Variants in TMEM181 observed in about 807,000 individuals in gnomAD.
TMEM181 encodes the protein G protein-coupled receptor 178.
In TMEM181, 39 loss-of-function variants were observed where a neutral mutation model predicts 71.9. The observed-to-expected ratio is 0.54, with a 90% confidence interval of 0.42 to 0.71. The LOEUF is 0.71. Among genes scored for constraint, TMEM181 ranks in the 30% least tolerant of loss-of-function variants. The pLI, the probability that TMEM181 is intolerant of heterozygous loss-of-function variation, is 0.00. For missense variants in TMEM181, 595 were observed against 583.0 expected, an observed-to-expected ratio of 1.02 and a Z score of -0.21; for synonymous variants, 245 against 228.8, an observed-to-expected ratio of 1.07 and a Z score of -0.64.
At chr6:158,573,209 G>A (rs1385828884) in intron 1 of TMEM181, among the ~76,000 whole-genome samples, 2 of 152,152 alleles carry the variant, frequency 1.3e-5, no homozygotes, top group South Asian at 2.1e-4. Context: ...CCTCTAACCC[G>A]GAACGTGCAG....
intron 6 of TMEM181, among the ~76,000 whole-genome samples, chr6:158,595,775 G>T (rs534604432): frequency 6.6e-6 from 1 of 152,288 alleles, no homozygotes; most frequent in East Asian, 1.9e-4. Context: ...CTCTGGGGTA[G>T]GTTAGTGGCT....
intron 3 of TMEM181, among the ~76,000 whole-genome samples, chr6:158,583,462 G>A (rs1208641909): frequency 6.6e-6 from 1 of 152,090 alleles, no homozygotes; most frequent in East Asian, 1.9e-4. Flanking sequence ...CTGGAAGTTA[G>A]TCGTTTCTTC....
chr6:158,631,002 C>T (rs1786631781), intron 15 of TMEM181, among the ~76,000 whole-genome samples: 1 of 152,244 alleles, frequency 6.6e-6, no homozygotes, highest in African/African-American at 2.4e-5. Flanking sequence ...AGAGCCACCT[C>T]TCCTGGGGCC....
At chr6:158,577,374 T>C (rs144100725) in intron 2 of TMEM181, among the ~76,000 whole-genome samples, 494 of 152,254 alleles carry the variant, frequency 3.2e-3, no homozygotes, top group African/African-American at 0.011. Context: ...TCAGTGAATC[T>C]GAAGATAGGA....
In TMEM181 at chr6:158,631,882, T is replaced by C. The variant is rs752014108; in HGVS notation, c.1422T>C (p.Ser474=). The change falls in exon 17 of 17, where the codon AGT becomes AGC. Residue 474 remains serine, a synonymous_variant. Coordinates refer to ENST00000684151, the MANE Select transcript of TMEM181 (RefSeq NM_001376852.1). ...IRAKYKEESD[S]D is the part of the protein sequence containing the mutation. The stretch of plus-strand genomic sequence containing the variant: ...CCAAGTACAAGGAGGAGTCAGATAG[T>C]GACTGAGCCCCGGCCAGCCCAGCGA... 21 of 1,589,876 alleles carry C rather than the reference T, an allele frequency of 1.3e-5. No homozygotes were observed. The highest frequency in any genetic ancestry group is 1.7e-5 in the Non-Finnish European group (20 of 1,167,678).
upstream of TMEM181, among the ~76,000 whole-genome samples, chr6:158,556,834 C>T (rs1449769182): frequency 2.0e-5 from 3 of 152,096 alleles, no homozygotes; most frequent in Non-Finnish European, 4.4e-5. Flanking sequence ...GCCATCTTGG[C>T]TCACTGTAAC....
intron 1 of TMEM181, among the ~76,000 whole-genome samples, chr6:158,560,607 G>C (rs1321581206): frequency 1.3e-5 from 2 of 152,128 alleles, no homozygotes; most frequent in African/African-American, 2.4e-5. Flanking sequence ...CTCCCGGGCA[G>C]CCTCTCCTGC....
intron 2 of TMEM181, among the ~76,000 whole-genome samples, chr6:158,579,284 G>C (rs148672015): frequency 6.6e-6 from 1 of 150,972 alleles, no homozygotes; most frequent in Non-Finnish European, 1.5e-5. Flanking sequence ...AAAAAGCAGG[G>C]TCTTGATATT....
intron 6 of TMEM181, among the ~76,000 whole-genome samples, chr6:158,595,159 T>C (rs1259173204): frequency 6.6e-6 from 1 of 152,256 alleles, no homozygotes; most frequent in African/African-American, 2.4e-5. Context: ...ATTACTAACA[T>C]CCTGGTATGG....
rs1458733468 is a variant in TMEM181, at chr6:158,620,637, C to A, written c.897-2913C>A. ...CACTGGGGAGTAGCCCCCGCCCGAG[C>A]CTCGCAGTCCCCTTCAGATTAGTTG... On this transcript the variant is annotated intron_variant, in intron 10 of 16. Transcript: ENST00000684151. The surrounding 1 kb of genome is among the most constrained non-coding windows in gnomAD (Gnocchi z 4.5). Among the ~76,000 whole-genome samples the A allele has an allele frequency of 1.3e-5, 2 of 151,956 alleles. No homozygotes were observed. The highest frequency in any genetic ancestry group is 1.3e-4 in the Admixed American group (2 of 15,258).
intron 10 of TMEM181, among the ~76,000 whole-genome samples, chr6:158,613,731 T>C (rs546883169): frequency 3.5e-4 from 54 of 152,338 alleles, no homozygotes; most frequent in African/African-American, 1.3e-3. Flanking sequence ...CGCAAGAAAA[T>C]ATATTCTTAC....
chr6:158,573,668 C>T, intron 2 of TMEM181, 145 bp downstream of exon 2: 1 of 688,092 alleles, frequency 1.5e-6, no homozygotes, highest in Non-Finnish European at 2.5e-6. Context: ...TGGATGGGGT[C>T]CCAGCCCTGC....
At chr6:158,567,096 G>T (rs370913799) in intron 1 of TMEM181, among the ~76,000 whole-genome samples, 20 of 152,198 alleles carry the variant, frequency 1.3e-4, no homozygotes, top group African/African-American at 4.8e-4. Context: ...TCTTCCAAGG[G>T]CCCCGCGGCT....
At chr6:158,614,431 CTATTAA>C (rs1342734603) in intron 10 of TMEM181, among the ~76,000 whole-genome samples, 2 of 152,084 alleles carry the variant, frequency 1.3e-5, no homozygotes, top group East Asian at 3.9e-4. Flanking sequence ...CATTCGTTTG[CTATTAA>C]TATTAACCCT....
At chr6:158,623,691 G>T in intron 11 of TMEM181, 84 bp downstream of exon 11, 2 of 1,029,022 alleles carry the variant, frequency 1.9e-6, no homozygotes, top group Non-Finnish European at 2.9e-6. Flanking sequence ...AAATTGTTCT[G>T]TTGAGCTTTT....
In TMEM181 at chr6:158,608,317, G is replaced by C; in HGVS notation, c.674-16G>C. Reference sequence around the variant, plus strand: ...GGGCCTGTTTTCCACATGGATTTCTGCCCTTTGTGTTCCAGATCCGTTCTT... The same window carrying C: ...GGGCCTGTTTTCCACATGGATTTCTCCCCTTTGTGTTCCAGATCCGTTCTT... On this transcript the variant is annotated splice_polypyrimidine_tract_variant and intron_variant, in intron 8 of 16. Coordinates refer to ENST00000684151, the MANE Select transcript of TMEM181 (RefSeq NM_001376852.1). 6.2e-7 allele frequency: 1 copy of C among 1,614,062 alleles called. No individual in the cohort carries two copies. The highest frequency in any genetic ancestry group is 2.2e-5 in the East Asian group (1 of 44,874).
At position 158,631,401 on chromosome 6, in the gene TMEM181, T is replaced by G. The variant is rs766770227; in HGVS notation, c.1349+12T>G. 1.2e-6 allele frequency: 2 copies of G among 1,614,158 alleles called. No homozygotes were observed. Among genetic ancestry groups the G allele is most frequent in the East Asian group, 2.2e-5 (1 of 44,868 alleles). On this transcript the variant is annotated intron_variant, in intron 16 of 16. Transcript: ENST00000684151. ...GATGTGATTTATGGGTAAGTCCCTG[T>G]CCGTTAGAAGGCCGGCACACCTTGG... is the stretch of plus-strand genomic sequence containing the variant.
intron 2 of TMEM181, among the ~76,000 whole-genome samples, chr6:158,575,796 G>A (rs10223322): frequency 0.39 from 59,884 of 152,064 alleles, 12,196 homozygotes; most frequent in Middle Eastern, 0.52. Context: ...GCATTCCAGA[G>A]AAATGTTACT....
At chr6:158,556,321 T>C (rs1781887227), upstream of TMEM181, among the ~76,000 whole-genome samples, 1 of 152,180 alleles carries the variant, frequency 6.6e-6, no homozygotes, top group African/African-American at 2.4e-5. Flanking sequence ...CTAAGAATCA[T>C]CACTTCCTTC....
Sources: gnomAD v4.1 joint callset for allele counts (sites outside exome capture counted in the v4.1 genomes callset) on GRCh38, gnomAD v4.1.1 for gene constraint, Gnocchi (gnomAD v3.1) non-coding constraint, MANE v1.5 for transcripts, NCBI Gene and HGNC (gene_info 2026-07-23, HGNC 2026-07-21) for gene names.